The following MRPS17 variants were observed in gnomAD, a reference collection of about 807,000 sequenced individuals.
The protein encoded by MRPS17 is mitochondrial ribosomal protein S17.
In MRPS17, 6 loss-of-function variants were observed where a neutral mutation model predicts 11.3. The observed-to-expected ratio is 0.53, with a 90% CI of 0.29 to 1.05. The LOEUF is 1.05. MRPS17 is among the 50% of genes least tolerant of loss of function. MRPS17 has a pLI of 0.08. For synonymous variants in MRPS17, 56 were observed against 60.4 expected, an observed-to-expected ratio of 0.93 and a Z score of 0.34; for missense variants, 139 against 153.6, an observed-to-expected ratio of 0.90 and a Z score of 0.50.
At chr7:55,954,187 T>TGTGCCCAGGGGACGGATAG (rs1464649112) in intron 2 of MRPS17, among the ~76,000 whole-genome samples, 1 of 152,222 alleles carries the variant, frequency 6.6e-6, no homozygotes, top group East Asian at 1.9e-4. Flanking sequence ...ATTTGTTTGC[T>TGTGCCCAGGGGACGGATAG]GTGCCCAGGG....
At chr7:55,952,994 C>T (rs1414097335) in intron 1 of MRPS17, among the ~76,000 whole-genome samples, 185 bp from the exon 2 acceptor site, 3 of 151,518 alleles carry the variant, frequency 2.0e-5, no homozygotes, top group Admixed American at 6.6e-5. Flanking sequence ...ATCGCACCAC[C>T]GCACTCCAGC....
chr7:55,952,953 A>G (rs1786666558), intron 1 of MRPS17, among the ~76,000 whole-genome samples: 1 of 151,768 alleles, frequency 6.6e-6, no homozygotes, highest in Non-Finnish European at 1.5e-5. Context: ...AATGGCGTGA[A>G]CCCAGGAGGC....
intron 1 of MRPS17, 43 bp from the exon 2 acceptor site, chr7:55,953,136 A>C: frequency 6.2e-7 from 1 of 1,605,594 alleles, no homozygotes; most frequent in Non-Finnish European, 8.5e-7. Context: ...TTCATGTGGC[A>C]TCATAACCAC....
rs778712292 is a variant in MRPS17 at position 55,955,037 on chromosome 7, C to T, written c.252C>T (p.Ile84=). 1.1e-5 allele frequency: 18 copies of T among 1,614,096 alleles called. No individual in the cohort carries two copies. Among genetic ancestry groups the T allele is most frequent in the South Asian group, 8.8e-5 (8 of 91,082 alleles). The part of the protein sequence containing the change: ...AKHVKHELAE[I]VFKVGKVIDP... ...ATGTGAAACATGAACTGGCTGAGAT[C>T]GTTTTCAAAGTTGGAAAAGTCATAG... is the stretch of plus-strand genomic sequence containing the variant. The change falls in exon 3 of 3, where the codon ATC becomes ATT. Residue 84 remains isoleucine, a synonymous_variant. Transcript: ENST00000285298.
In MRPS17 at chr7:55,955,157, C is replaced by G; in HGVS notation, c.372C>G (p.Leu124=). The change falls in exon 3 of 3, where the codon CTC becomes CTG. Residue 124 remains leucine, a synonymous_variant. Coordinates refer to ENST00000285298, the MANE Select transcript of MRPS17 (RefSeq NM_015969.3). The part of the protein sequence containing the change: ...TTQLSKNLEE[L]NISSAQ Reference sequence around the variant, plus strand: ...AGCTAAGCAAAAATCTGGAAGAACTCAATATCTCTTCAGCACAGTGAAGCG... The same window carrying G: ...AGCTAAGCAAAAATCTGGAAGAACTGAATATCTCTTCAGCACAGTGAAGCG... The G allele has an allele frequency of 6.2e-7, 1 of 1,614,122 alleles. No homozygotes were observed. The highest frequency in any genetic ancestry group is 1.1e-5 in the South Asian group (1 of 91,078).
chr7:55,954,238 G>T (rs1012701009), intron 2 of MRPS17, among the ~76,000 whole-genome samples: 3 of 152,172 alleles, frequency 2.0e-5, no homozygotes, highest in Non-Finnish European at 4.4e-5. Flanking sequence ...CCAAAGTTCA[G>T]CACACAGGTG....
In MRPS17 at chr7:55,953,307, T is replaced by C. The variant is rs777678436; in HGVS notation, c.112T>C (p.Tyr38His). ...AGTGACCAGGCTTGTTCTGGATCCC[T>C]ATTTATTAAAGGTGAGAAACATTCT... ...VRVTRLVLDP[Y>H]LLKYFNKRKT... The change falls in exon 2 of 3, where the codon TAT (tyrosine) becomes CAT (histidine). Residue 38 changes from tyrosine (Y) to histidine (H), a missense_variant. By Grantham distance (83) the Tyr-to-His change is moderately conservative. Coordinates refer to ENST00000285298, the MANE Select transcript of MRPS17 (RefSeq NM_015969.3). The C allele has an allele frequency of 5.0e-6, 8 of 1,613,852 alleles. No homozygotes were observed. The East Asian group carries it at 1.8e-4, about 36-fold the overall frequency.
Position 55,953,178 on chromosome 7 carries a change from G to T in MRPS17, c.-17-1G>T, listed in dbSNP as rs753228614. The T allele has an allele frequency of 6.2e-7, 1 of 1,612,998 alleles. No individual in the cohort carries two copies. Among genetic ancestry groups the T allele is most frequent in the Non-Finnish European group, 8.5e-7 (1 of 1,179,750 alleles). Reference sequence around the variant, plus strand: ...ATGAGACTTTGGAATTTGCTTTTCAGGTGACCAAAGCCACGTAATGTCCGT... The same window carrying T: ...ATGAGACTTTGGAATTTGCTTTTCATGTGACCAAAGCCACGTAATGTCCGT... On this transcript the variant is annotated splice_acceptor_variant, in intron 1 of 2. Coordinates refer to ENST00000285298, the MANE Select transcript of MRPS17 (RefSeq NM_015969.3). LOFTEE classifies it low-confidence loss of function (5UTR_SPLICE).
At position 55,955,217 on chromosome 7, in the gene MRPS17, A is replaced by G. The variant is rs759891111; in HGVS notation, c.*39A>G. ...GAAGGATCTAAAGGGAAAAACTGAC[A>G]TGTTTATGTTATGGAAAAAGAAATT... On this transcript the variant is annotated 3_prime_UTR_variant, in exon 3 of 3. Coordinates refer to ENST00000285298, the MANE Select transcript of MRPS17 (RefSeq NM_015969.3). The G allele has an allele frequency of 5.5e-5, 86 of 1,572,596 alleles. No individual in the cohort carries two copies. The highest frequency in any genetic ancestry group is 7.3e-5 in the Non-Finnish European group (85 of 1,159,718).
chr7:55,952,450 A>T (rs994520124), intron 1 of MRPS17, among the ~76,000 whole-genome samples: 1 of 152,194 alleles, frequency 6.6e-6, no homozygotes, highest in African/African-American at 2.4e-5. Flanking sequence ...ATGGTGATTC[A>T]AGCCGGGCGC....
rs753228614 is a variant in MRPS17 at position 55,953,178 on chromosome 7, G to A, written c.-17-1G>A. 1.9e-5 allele frequency: 30 copies of A among 1,612,880 alleles called. No homozygotes were observed. The highest frequency in any genetic ancestry group is 2.4e-5 in the Non-Finnish European group (28 of 1,179,758). On this transcript the variant is annotated splice_acceptor_variant, in intron 1 of 2. Transcript: ENST00000285298. LOFTEE classifies it low-confidence loss of function (5UTR_SPLICE). ...ATGAGACTTTGGAATTTGCTTTTCA[G>A]GTGACCAAAGCCACGTAATGTCCGT...
chr7:55,954,999 C>G lies in MRPS17; in HGVS notation c.214C>G (p.Pro72Ala), dbSNP rs988839986. 1 of 1,614,090 alleles carries G rather than the reference C, an allele frequency of 6.2e-7. No homozygotes were observed. The highest frequency in any genetic ancestry group is 8.5e-7 in the Non-Finnish European group (1 of 1,180,020). The change falls in exon 3 of 3, where the codon CCA becomes GCA. Residue 72 changes from proline (P) to alanine (A), a missense_variant. By Grantham distance (27) the Pro-to-Ala change is conservative (BLOSUM62 -1). Transcript: ENST00000285298. ...TGTGCTTCTCAGAGCTTTACCTGTTCCACGAGCAAAGCATGTGAAACATGA... is the reference window on the plus strand; with the variant it reads ...TGTGCTTCTCAGAGCTTTACCTGTTGCACGAGCAAAGCATGTGAAACATGA... Reference protein sequence around the residue: ...DIVLLRALPVPRAKHVKHELA... With the variant: ...DIVLLRALPVARAKHVKHELA...
In MRPS17 at chr7:55,954,925, A is replaced by G. The variant is rs748863107; in HGVS notation, c.140A>G (p.Lys47Arg). 2 of 1,613,622 alleles carry G rather than the reference A, an allele frequency of 1.2e-6. No homozygotes were observed. The highest frequency in any genetic ancestry group is 1.3e-5 in the African/African-American group (1 of 74,920). ...PYLLKYFNKR[K>R]TYFAHDALQQ... is the part of the protein sequence containing the mutation. ...TCTCAACAGTATTTTAATAAGCGGA[A>G]AACCTACTTTGCTCACGATGCCCTT... The change falls in exon 3 of 3, where the codon AAA (lysine) becomes AGA (arginine). Residue 47 changes from lysine (K) to arginine (R), a missense_variant. Coordinates refer to ENST00000285298, the MANE Select transcript of MRPS17 (RefSeq NM_015969.3).
intron 2 of MRPS17, among the ~76,000 whole-genome samples, chr7:55,953,904 A>G (rs1786688303): frequency 6.6e-6 from 1 of 152,162 alleles, no homozygotes; most frequent in Non-Finnish European, 1.5e-5. Context: ...CGCAGGCGGT[A>G]ATACTCATGC....
At chr7:55,953,764 A>G (rs924367066) in intron 2 of MRPS17, among the ~76,000 whole-genome samples, 4 of 152,068 alleles carry the variant, frequency 2.6e-5, no homozygotes, top group Admixed American at 2.0e-4. Flanking sequence ...GGAGGTTGCA[A>G]TGAGCCACAA....
At position 55,953,415 on chromosome 7, in the gene MRPS17, GTC is replaced by G. The variant is rs1415952388; in HGVS notation, c.123+102_123+103del. On this transcript the variant is annotated intron_variant, in intron 2 of 2. Coordinates refer to ENST00000285298, the MANE Select transcript of MRPS17 (RefSeq NM_015969.3). ...ATTTATCTCTCAGTAAAGATGTCTT[GTC>G]TCTCATCTGCTTTGAGCCAGGCATT... 36 of 1,523,430 alleles carry G rather than the reference GTC, an allele frequency of 2.4e-5. No individual in the cohort carries two copies. The African/African-American group carries it at 3.9e-4, about 16-fold the overall frequency. The allele number at this position is 1,523,430 out of a possible 1,614,324, so 94.4% of individuals were successfully genotyped here. A position where few individuals can be genotyped will look rare whatever the true frequency, so the allele number is the denominator to read the frequency against.
At position 55,955,430 on chromosome 7, in the gene MRPS17, T is replaced by C; in HGVS notation, c.*252T>C. ...GTGCCTAGCAGTCTGTTGCATTTTGTAAGCTCACAGTTTTTTGTTTTGAGA... is the reference window on the plus strand; with the variant it reads ...GTGCCTAGCAGTCTGTTGCATTTTGCAAGCTCACAGTTTTTTGTTTTGAGA... On this transcript the variant is annotated 3_prime_UTR_variant, in exon 3 of 3. Transcript: ENST00000285298. 2.3e-6 allele frequency: 1 copy of C among 441,860 alleles called. No individual in the cohort carries two copies. The highest frequency in any genetic ancestry group is 4.6e-5 in the East Asian group (1 of 21,682). 27.4% of individuals were successfully genotyped at this position (441,860 alleles called of 1,614,324 possible). A position where few individuals can be genotyped will look rare whatever the true frequency, so the allele number is the denominator to read the frequency against.
Position 55,955,530 on chromosome 7 carries a change from T to G in MRPS17, c.*352T>G. ...CTCACTGCAAGCTCCGCCTCCCGGG[T>G]TCACGCCGTTCTCCTGCCTCAGCCT... On this transcript the variant is annotated 3_prime_UTR_variant, in exon 3 of 3. Coordinates refer to ENST00000285298, the MANE Select transcript of MRPS17 (RefSeq NM_015969.3). 1 of 184,092 alleles carries G rather than the reference T, an allele frequency of 5.4e-6. No homozygotes were observed. The highest frequency in any genetic ancestry group is 1.1e-5 in the Non-Finnish European group (1 of 89,274). 11.4% of individuals were successfully genotyped at this position (184,092 alleles called of 1,614,324 possible). A position where few individuals can be genotyped will look rare whatever the true frequency, so the allele number is the denominator to read the frequency against.
chr7:55,953,483 A>G (rs558729990), intron 2 of MRPS17, among the ~76,000 whole-genome samples, 165 bp downstream of exon 2: 2 of 152,324 alleles, frequency 1.3e-5, no homozygotes, highest in Admixed American at 6.5e-5. Context: ...ACATTCCAAG[A>G]AAACAGTTAA....
Sources: gnomAD v4.1 joint callset for allele counts (sites outside exome capture counted in the v4.1 genomes callset) on GRCh38, gnomAD v4.1.1 for gene constraint, MANE v1.5 for transcripts, NCBI Gene and HGNC (gene_info 2026-07-23, HGNC 2026-07-21) for gene names.